Variants in PCDHA9 observed in about 807,000 individuals in gnomAD.
PCDHA9 encodes the protein protocadherin alpha 9.
PCDHA9 carries 62 observed loss-of-function variants against 62.0 expected under a neutral mutation model. The observed-to-expected ratio is 1.00, with a 90% CI of 0.81 to 1.23. PCDHA9 has a LOEUF of 1.23. Ranked by LOEUF, PCDHA9 falls within the 50% of genes most tolerant of loss-of-function variation. The pLI is 0.00. For synonymous variants in PCDHA9, 557 were observed against 567.6 expected, an observed-to-expected ratio of 0.98 and a Z score of 0.27; for missense variants, 1,205 against 1,249.8, an observed-to-expected ratio of 0.96 and a Z score of 0.54.
chr5:140,924,900 AAAAAAT>A (rs2082118159), intron 1 of PCDHA9, among the ~76,000 whole-genome samples: 2 of 63,328 alleles, frequency 3.2e-5, no homozygotes, highest in African/African-American at 5.4e-5. Flanking sequence ...GTCTCAAAAA[AAAAAAT>A]AAAATAAAAT....
At chr5:140,987,124 G>T (rs2097230182) in intron 3 of PCDHA9, among the ~76,000 whole-genome samples, 1 of 151,678 alleles carries the variant, frequency 6.6e-6, no homozygotes, top group Non-Finnish European at 1.5e-5. Flanking sequence ...TGAGGCAGGA[G>T]AATTGCTTGA....
intron 1 of PCDHA9, chr5:140,863,174 C>T (rs781864500): frequency 1.4e-6 from 1 of 714,706 alleles, no homozygotes; most frequent in East Asian, 4.3e-5. Context: ...GCGCTGACTG[C>T]CACCGTCACC....
rs2150432258 is a variant in PCDHA9 at position 140,849,188 on chromosome 5, G to T, written c.693G>T (p.Thr231=). ...ELTGTVQLLI[T]VLDNNDNAPV... Reference sequence around the variant, plus strand: ...CTGGCACCGTTCAATTACTCATCACGGTACTGGACAACAATGACAATGCCC... The same window carrying T: ...CTGGCACCGTTCAATTACTCATCACTGTACTGGACAACAATGACAATGCCC... The change falls in exon 1 of 4, where the codon ACG becomes ACT. Residue 231 remains threonine, a synonymous_variant. Transcript: ENST00000532602. The T allele has an allele frequency of 1.1e-3, 1,187 of 1,054,992 alleles. 42 individuals carry two copies. In the African/African-American group the frequency reaches 0.02, roughly 18 times the overall value. The allele number at this position is 1,054,992 out of a possible 1,614,324, so 65.4% of individuals were successfully genotyped here. A position where few individuals can be genotyped will look rare whatever the true frequency, so the allele number is the denominator to read the frequency against.
At chr5:140,962,104 C>T (rs1387807188) in intron 1 of PCDHA9, among the ~76,000 whole-genome samples, 1 of 152,056 alleles carries the variant, frequency 6.6e-6, no homozygotes, top group Non-Finnish European at 1.5e-5. Context: ...CCAGGATGGT[C>T]TCGATCTCCT....
chr5:140,944,799 G>A (rs1160069845), intron 1 of PCDHA9, among the ~76,000 whole-genome samples: 2 of 152,090 alleles, frequency 1.3e-5, no homozygotes, highest in Non-Finnish European at 2.9e-5. Flanking sequence ...CAAGTCTGTC[G>A]AGGGTCCACA....
At chr5:140,869,227 G>C (rs782048898) in intron 1 of PCDHA9, 1 of 1,613,788 alleles carries the variant, frequency 6.2e-7, no homozygotes, top group South Asian at 1.1e-5. Context: ...GGCCAAACAC[G>C]GCACCTTCGT....
chr5:140,854,977 TAA>T (rs1490138607), intron 1 of PCDHA9, among the ~76,000 whole-genome samples: 1 of 149,962 alleles, frequency 6.7e-6, no homozygotes, highest in Non-Finnish European at 1.5e-5. Flanking sequence ...GAATTATAAT[TAA>T]GATTCTTTTT....
rs116952410 is a variant in PCDHA9, at chr5:140,893,392, C to A, written c.2394+42503C>A. On this transcript the variant is annotated intron_variant, in intron 1 of 3. Coordinates refer to ENST00000532602, the MANE Select transcript of PCDHA9 (RefSeq NM_031857.2). ...AGCATTTATGGGACAGTGGCTCATG[C>A]CTGTAATCCCAGCACTTAGGGAGGC... 2.0e-5 allele frequency among the ~76,000 whole-genome samples: 3 copies of A among 152,230 alleles called. No individual in the cohort carries two copies. The East Asian group carries it at 5.8e-4, about 29-fold the overall frequency.
intron 1 of PCDHA9, chr5:140,861,255 C>T (rs533071435): frequency 3.0e-5 from 5 of 166,616 alleles, no homozygotes; most frequent in African/African-American, 4.8e-5. Context: ...GGCCAGGAAT[C>T]CCGGAGCCTA....
intron 1 of PCDHA9, among the ~76,000 whole-genome samples, chr5:140,937,783 G>A (rs1554211789): frequency 6.7e-6 from 1 of 150,256 alleles, no homozygotes; most frequent in African/African-American, 2.5e-5. Context: ...GTGGTGGCGG[G>A]CGTATGTAGT....
At chr5:140,878,103 G>A (rs2153358436) in intron 1 of PCDHA9, 1 of 261,846 alleles carries the variant, frequency 3.8e-6, no homozygotes, top group East Asian at 7.9e-5. Context: ...GATGAACCTT[G>A]AAAAAAACAG....
At chr5:140,984,973 T>C (rs1397062066) in intron 3 of PCDHA9, among the ~76,000 whole-genome samples, 1 of 152,150 alleles carries the variant, frequency 6.6e-6, no homozygotes, top group Non-Finnish European at 1.5e-5. Context: ...AGTCTCGCTC[T>C]GTCCCCCAGG....
chr5:140,993,596 A>G (rs562427268), intron 3 of PCDHA9, among the ~76,000 whole-genome samples: 53 of 152,194 alleles, frequency 3.5e-4, no homozygotes, highest in Admixed American at 2.6e-4. Flanking sequence ...CTTGGCTCCA[A>G]TAGAGAATTT....
chr5:140,992,823 T>A (rs1261484178), intron 3 of PCDHA9, among the ~76,000 whole-genome samples: 1 of 152,140 alleles, frequency 6.6e-6, no homozygotes, highest in Non-Finnish European at 1.5e-5. Flanking sequence ...ATGTGTTTGT[T>A]TTTTGGGAAC....
Position 140,870,951 on chromosome 5 carries a change from C to T in PCDHA9, c.2394+20062C>T, listed in dbSNP as rs781985952. 6 of 1,613,558 alleles carry T rather than the reference C, an allele frequency of 3.7e-6. No individual in the cohort carries two copies. The Admixed American group carries it at 1.0e-4, about 27-fold the overall frequency. ...ATGAATTGCAGCCGGCGGCGGGCGGCTCGCGCATCCCGTTCCGCGTGGGGC... is the reference window on the plus strand; with the variant it reads ...ATGAATTGCAGCCGGCGGCGGGCGGTTCGCGCATCCCGTTCCGCGTGGGGC... On this transcript the variant is annotated intron_variant, in intron 1 of 3. Transcript: ENST00000532602.
chr5:140,928,904 G>T, intron 1 of PCDHA9: 1 of 1,614,180 alleles, frequency 6.2e-7, no homozygotes, highest in Non-Finnish European at 8.5e-7. Flanking sequence ...GAAGATGTCT[G>T]GGAACCAGGA....
In PCDHA9 at chr5:141,010,735, T is replaced by G. The variant is rs192374006; in HGVS notation, c.*798T>G. On this transcript the variant is annotated 3_prime_UTR_variant, in exon 4 of 4. Coordinates refer to ENST00000532602, the MANE Select transcript of PCDHA9 (RefSeq NM_031857.2). ...GTGCTCACTTTATTAAAAATTCTTT[T>G]GCACACAATGTTTATGAAAAGGCCA... The G allele has an allele frequency of 6.5e-6, 1 of 154,174 alleles. No individual in the cohort carries two copies. The highest frequency in any genetic ancestry group is 1.5e-5 in the Non-Finnish European group (1 of 68,224). 9.6% of individuals were successfully genotyped at this position (154,174 alleles called of 1,614,324 possible). A position where few individuals can be genotyped will look rare whatever the true frequency, so the allele number is the denominator to read the frequency against.
intron 1 of PCDHA9, chr5:140,882,846 C>T (rs1554175786): frequency 2.5e-6 from 4 of 1,614,188 alleles, no homozygotes; most frequent in Non-Finnish European, 3.4e-6. Context: ...TCTTCATTAT[C>T]ACTTGTACTG....
chr5:140,862,965 C>T (rs1358517266), intron 1 of PCDHA9: 5 of 543,666 alleles, frequency 9.2e-6, no homozygotes, highest in African/African-American at 7.7e-5. Flanking sequence ...TCAGTGGATG[C>T]AGGCCACTTG....
Sources: allele counts gnomAD v4.1 joint callset (sites outside exome capture counted in the v4.1 genomes callset), GRCh38; gene constraint gnomAD v4.1.1; transcripts MANE v1.5; gene names NCBI Gene and HGNC (gene_info 2026-07-23, HGNC 2026-07-21).